Variants in LMNTD1 observed in about 807,000 individuals in gnomAD.
LMNTD1 encodes the protein lamin tail domain-containing protein 1.
In LMNTD1, 35 loss-of-function variants were observed where a neutral mutation model predicts 50.9. The observed-to-expected ratio is 0.69, with a 90% CI of 0.53 to 0.91. The LOEUF is 0.91. LMNTD1 is among the 40% of genes least tolerant of loss of function. The pLI is 0.00. For missense variants in LMNTD1, 470 were observed against 475.5 expected, an observed-to-expected ratio of 0.99 and a Z score of 0.11; for synonymous variants, 153 against 161.9, an observed-to-expected ratio of 0.94 and a Z score of 0.42.
chr12:25,592,350 C>A (rs569784626), intron 1 of LMNTD1: 3 of 152,216 alleles, frequency 2.0e-5, no homozygotes, highest in Non-Finnish European at 4.4e-5. Context: ...CTGAAGGAAG[C>A]AGATTGCTCC....
chr12:25,568,501 T>C (rs1944651784), intron 1 of LMNTD1, among the ~76,000 whole-genome samples: 1 of 152,236 alleles, frequency 6.6e-6, no homozygotes, highest in South Asian at 2.1e-4. Context: ...TTTGTATGAC[T>C]GACAGATAGC....
intron 9 of LMNTD1, among the ~76,000 whole-genome samples, chr12:25,484,458 G>A (rs1445193473): frequency 6.6e-6 from 1 of 151,802 alleles, no homozygotes; most frequent in East Asian, 1.9e-4. Flanking sequence ...TAGGTGAATG[G>A]GTGAGTACAT....
intron 1 of LMNTD1, among the ~76,000 whole-genome samples, chr12:25,561,017 C>A (rs150150503): frequency 4.4e-4 from 67 of 152,138 alleles, no homozygotes; most frequent in Non-Finnish European, 7.4e-5. Context: ...AATTGAATAC[C>A]CTTTTTTTCT....
chr12:25,543,401 T>C (rs1476431624), intron 4 of LMNTD1, among the ~76,000 whole-genome samples: 1 of 151,946 alleles, frequency 6.6e-6, no homozygotes, highest in African/African-American at 2.4e-5. Context: ...TCAAACAGTA[T>C]AGTAAAACAT....
At chr12:25,558,239 T>C (rs1172554681), upstream of LMNTD1, among the ~76,000 whole-genome samples, 4 of 152,190 alleles carry the variant, frequency 2.6e-5, no homozygotes, top group Non-Finnish European at 5.9e-5. Flanking sequence ...CTTTTTGTTT[T>C]ATTGATCTTT....
intron 6 of LMNTD1, 27 bp downstream of exon 6, chr12:25,526,072 A>G: frequency 6.5e-7 from 1 of 1,536,738 alleles, no homozygotes; most frequent in Non-Finnish European, 8.7e-7. Flanking sequence ...AAAAAAAAAA[A>G]ACGATTGTTA....
chr12:25,550,665 G>A (rs1943692502), intron 2 of LMNTD1, among the ~76,000 whole-genome samples: 1 of 151,988 alleles, frequency 6.6e-6, no homozygotes, highest in East Asian at 1.9e-4. Context: ...GGAGAATGAG[G>A]GCCTGGAGTT....
At position 25,483,894 on chromosome 12, in the gene LMNTD1, T is replaced by A. The variant is rs569491849; in HGVS notation, c.*23-7434A>T. Among the ~76,000 whole-genome samples the A allele has an allele frequency of 3.9e-5, 6 of 152,056 alleles. No individual in the cohort carries two copies. In the East Asian group the frequency reaches 9.7e-4, roughly 24 times the overall value. On this transcript the variant is annotated intron_variant, in intron 9 of 9. Transcript: ENST00000458174. ...ACTCCTTGGTTAAAACACTTGGACA[T>A]AAATAGTCTGAAGAGCTAAATATGA...
chr12:25,589,328 A>G (rs565377176), intron 1 of LMNTD1, among the ~76,000 whole-genome samples: 1 of 152,368 alleles, frequency 6.6e-6, no homozygotes, highest in Non-Finnish European at 1.5e-5. Context: ...ATAAAGTTAA[A>G]AACTTACAAA....
At chr12:25,499,307 G>A (rs1366857375) in intron 9 of LMNTD1, among the ~76,000 whole-genome samples, 3 of 152,156 alleles carry the variant, frequency 2.0e-5, no homozygotes, top group East Asian at 1.9e-4. Context: ...CTCCCACCTC[G>A]GCCTCCCAAA....
chr12:25,581,817 G>A (rs1945304278), intron 1 of LMNTD1, among the ~76,000 whole-genome samples: 1 of 152,168 alleles, frequency 6.6e-6, no homozygotes, highest in Non-Finnish European at 1.5e-5. Context: ...TGTATAGCAT[G>A]TTACTGTACT....
chr12:25,476,629 T>C (rs1938272635), intron 9 of LMNTD1, among the ~76,000 whole-genome samples, 169 bp from the exon 10 acceptor site: 1 of 152,182 alleles, frequency 6.6e-6, no homozygotes, highest in South Asian at 2.1e-4. Context: ...AAGAAAGAGA[T>C]TGAAACTGAC....
At chr12:25,602,891 C>T (rs576509599) in intron 1 of LMNTD1, among the ~76,000 whole-genome samples, 22 of 152,152 alleles carry the variant, frequency 1.4e-4, no homozygotes, top group Admixed American at 1.3e-3. Context: ...CCTATTCTAA[C>T]AGTCCTTCCT....
At chr12:25,559,395 A>G (rs190946307) in intron 1 of LMNTD1, among the ~76,000 whole-genome samples, 284 of 152,302 alleles carry the variant, frequency 1.9e-3, no homozygotes, top group African/African-American at 6.5e-3. Flanking sequence ...TTATGGCTGC[A>G]TAGTATTCCA....
chr12:25,585,665 C>T (rs75449791), intron 1 of LMNTD1, among the ~76,000 whole-genome samples: 2,921 of 152,266 alleles, frequency 0.019, 70 homozygotes, highest in African/African-American at 0.059. Context: ...ACAGACCACA[C>T]GAAACTAGGT....
At chr12:25,519,194 G>C (rs1466363573) in intron 7 of LMNTD1, among the ~76,000 whole-genome samples, 1 of 152,112 alleles carries the variant, frequency 6.6e-6, no homozygotes, top group Non-Finnish European at 1.5e-5. Context: ...AAAATTCCTG[G>C]ATAATGCACC....
At chr12:25,566,421 C>A (rs1007020970) in intron 1 of LMNTD1, among the ~76,000 whole-genome samples, 1 of 152,178 alleles carries the variant, frequency 6.6e-6, no homozygotes, top group Non-Finnish European at 1.5e-5. Flanking sequence ...GCTATAAATA[C>A]GGAAGTGCAA....
chr12:25,496,252 G>C (rs1939062218), intron 9 of LMNTD1, among the ~76,000 whole-genome samples: 1 of 152,128 alleles, frequency 6.6e-6, no homozygotes, highest in Admixed American at 6.5e-5. Context: ...AGCCCTTTTG[G>C]TTGTATGTTT....
intron 1 of LMNTD1, among the ~76,000 whole-genome samples, chr12:25,584,650 T>C (rs1008749563): frequency 1.3e-5 from 2 of 152,234 alleles, no homozygotes; most frequent in African/African-American, 4.8e-5. Flanking sequence ...TAACATCTGG[T>C]TTGACATCTG....
Sources: gnomAD v4.1 joint callset for allele counts (sites outside exome capture counted in the v4.1 genomes callset) on GRCh38, gnomAD v4.1.1 for gene constraint, MANE v1.5 for transcripts, NCBI Gene and HGNC (gene_info 2026-07-23, HGNC 2026-07-21) for gene names.